COL12A1: variants seen among roughly 807,000 people sequenced by gnomAD.
COL12A1 encodes the protein collagen type XII alpha 1 chain, also known as collagen alpha-1(XII) chain.
In COL12A1, 114 loss-of-function variants were observed where a neutral mutation model predicts 349.7. The ratio of observed to expected loss-of-function variants is 0.33; its 90% CI spans 0.28 to 0.38. The LOEUF (loss-of-function observed/expected upper bound fraction) is 0.38. COL12A1 is among the 10% of genes least tolerant of loss of function. COL12A1 has a pLI of 1.00. For synonymous variants in COL12A1, 1,369 were observed against 1,329.0 expected, an observed-to-expected ratio of 1.03 and a Z score of -0.66; for missense variants, 3,284 against 3,756.9, an observed-to-expected ratio of 0.87 and a Z score of 3.29.
intron 52 of COL12A1, 92 bp downstream of exon 52, chr6:75,108,926 A>G (rs1428979746): frequency 2.2e-6 from 3 of 1,352,906 alleles, no homozygotes; most frequent in African/African-American, 1.5e-5. Context: ...ACTGAGAAAA[A>G]TAGAATAAAA....
intron 60 of COL12A1, among the ~76,000 whole-genome samples, 194 bp from the exon 61 acceptor site, chr6:75,091,719 T>TTCTCTC (rs371292617): frequency 6.6e-6 from 1 of 150,506 alleles, no homozygotes; most frequent in African/African-American, 2.4e-5. Context: ...CTCTCTCTCT[T>TTCTCTC]TCTCTCTCTC....
At position 75,121,420 on chromosome 6, in the gene COL12A1, T is replaced by A; in HGVS notation, c.6968A>T (p.Asp2323Val). 6.2e-7 allele frequency: 1 copy of A among 1,603,336 alleles called. No individual in the cohort carries two copies. The highest frequency in any genetic ancestry group is 8.5e-7 in the Non-Finnish European group (1 of 1,172,390). Residue 2323 changes from aspartate to valine, a missense_variant, in exon 44 of 66, where the codon GAT (aspartate) becomes GTT (valine). Asp to Val is a radical substitution (Grantham distance 152, BLOSUM62 -3). Around this residue, in one of 2 missense-constraint regions of COL12A1, gnomAD observed 683 missense variants for 932.1 expected, o/e 0.73. Coordinates refer to ENST00000322507, the MANE Select transcript of COL12A1 (RefSeq NM_004370.6). ...GGAGGCATCAGTCAAGAACACAATA[T>A]CTGCCTTGGCCCCTTTGCATACTGC... ...ARDVCKGAKA[D>V]IVFLTDASWS...
intron 60 of COL12A1, among the ~76,000 whole-genome samples, chr6:75,094,186 TTCTAAG>T (rs1407085117): frequency 6.6e-6 from 1 of 152,182 alleles, no homozygotes; most frequent in Non-Finnish European, 1.5e-5. Flanking sequence ...AAATGTCCAA[TTCTAAG>T]TCTCTCTGAA....
Position 75,130,958 on chromosome 6 carries a change from G to A in COL12A1, c.5961C>T (p.Arg1987=). ...GAATCAGCCGCTCCAGATGCACCAT[G>A]CGCGTGTTTCCTGGCACTACTATCT... The part of the protein sequence containing the change: ...SESIVVPGNT[R]MVHLERLIPD... The change falls in exon 36 of 66, where the codon CGC becomes CGT. Residue 1987 remains arginine (R), a synonymous_variant. Coordinates refer to ENST00000322507, the MANE Select transcript of COL12A1 (RefSeq NM_004370.6). 6.2e-7 allele frequency: 1 copy of A among 1,614,150 alleles called. No individual in the cohort carries two copies. Among genetic ancestry groups the A allele is most frequent in the East Asian group, 2.2e-5 (1 of 44,880 alleles).
At chr6:75,132,972 G>C (rs1459819934) in intron 34 of COL12A1, among the ~76,000 whole-genome samples, 4 of 152,194 alleles carry the variant, frequency 2.6e-5, no homozygotes, top group African/African-American at 9.6e-5. Flanking sequence ...CAATTGTAAA[G>C]TCCTTCACAA....
In COL12A1 at chr6:75,165,525, C is replaced by T. The variant is rs139332405; in HGVS notation, c.2965G>A (p.Gly989Arg). The change falls in exon 14 of 66, where the codon GGA becomes AGA. Residue 989 changes from glycine (G) to arginine (R), a missense_variant. Gly to Arg is a moderately radical substitution (Grantham distance 125). Coordinates refer to ENST00000322507, the MANE Select transcript of COL12A1 (RefSeq NM_004370.6). ...TACCTACATTCAGTTGTGGCATCTC[C>T]AGTCAAAGGTTCTCCTTCTCCACTG... ...YSSGEGEPLTGDATTELSQDS... is the reference protein window; with the variant it reads ...YSSGEGEPLTRDATTELSQDS... The T allele has an allele frequency of 1.9e-3, 3,071 of 1,613,676 alleles. 2 individuals carry two copies. Among genetic ancestry groups the T allele is most frequent in the Non-Finnish European group, 1.7e-3 (2,037 of 1,179,816 alleles).
intron 5 of COL12A1, among the ~76,000 whole-genome samples, chr6:75,190,081 A>G (rs1294897880): frequency 1.3e-5 from 2 of 151,976 alleles, no homozygotes; most frequent in Admixed American, 6.6e-5. Context: ...AGATAAATAG[A>G]TCTATAATCT....
chr6:75,089,111 G>A lies in COL12A1; in HGVS notation c.9005C>T (p.Pro3002Leu), dbSNP rs753345031. ...TAAAATACTAGCAAACCTACCTGGGGGGCCAGGCAGCCCCCGAGGTCCTGA... is the reference window on the plus strand; with the variant it reads ...TAAAATACTAGCAAACCTACCTGGGAGGCCAGGCAGCCCCCGAGGTCCTGA... ...GSSGPRGLPG[P>L]PGPQGESRTG... The change falls in exon 64 of 66, where the codon CCC becomes CTC. Residue 3002 changes from proline (P) to leucine (L), a missense_variant. This residue lies in a region of COL12A1 where 683 missense variants were observed against 932.1 expected (regional missense o/e 0.73). Coordinates refer to ENST00000322507, the MANE Select transcript of COL12A1 (RefSeq NM_004370.6). The A allele has an allele frequency of 1.9e-6, 3 of 1,610,842 alleles. No homozygotes were observed. Among genetic ancestry groups the A allele is most frequent in the African/African-American group, 1.3e-5 (1 of 74,600 alleles).
At chr6:75,120,242 G>A (rs1305867219) in intron 44 of COL12A1, among the ~76,000 whole-genome samples, 1 of 152,082 alleles carries the variant, frequency 6.6e-6, no homozygotes, top group Non-Finnish European at 1.5e-5. Context: ...ATTAAATTAA[G>A]AATATAACTA....
intron 28 of COL12A1, 36 bp downstream of exon 28, chr6:75,138,786 T>A (rs781435753): frequency 6.2e-7 from 1 of 1,611,868 alleles, no homozygotes; most frequent in Non-Finnish European, 8.5e-7. Flanking sequence ...AAATGGGACA[T>A]GAAAGACAGA....
intron 34 of COL12A1, 71 bp from the exon 35 acceptor site, chr6:75,132,153 C>T (rs1324271769): frequency 2.0e-6 from 3 of 1,532,702 alleles, no homozygotes; most frequent in African/African-American, 1.4e-5. Context: ...ATCACTTTTC[C>T]AGAACCTACA....
At chr6:75,190,863 C>T (rs1769890955) in intron 5 of COL12A1, among the ~76,000 whole-genome samples, 1 of 151,710 alleles carries the variant, frequency 6.6e-6, no homozygotes, top group African/African-American at 2.4e-5. Context: ...GGCATAATAC[C>T]TCAATTTAAA....
intron 48 of COL12A1, 34 bp from the exon 49 acceptor site, chr6:75,115,956 A>G (rs1769055655): frequency 1.2e-6 from 2 of 1,612,144 alleles, no homozygotes; most frequent in Non-Finnish European, 1.7e-6. Context: ...TAAACGGAGT[A>G]CATTTTAATT....
rs762312515 is a variant in COL12A1 at position 75,090,326 on chromosome 6, A to C, written c.8753-28T>G. 3.2e-6 allele frequency: 5 copies of C among 1,580,368 alleles called. No individual in the cohort carries two copies. The South Asian group carries it at 4.5e-5, about 14-fold the overall frequency. ...ACAAGCAGAAATAAGGCTTGTTAGT[A>C]AGAAACCCAATAAAGGACGGATGAG... On this transcript the variant is annotated intron_variant, in intron 62 of 65. Coordinates refer to ENST00000322507, the MANE Select transcript of COL12A1 (RefSeq NM_004370.6). The surrounding 1 kb of genome is among the most constrained non-coding windows in gnomAD (Gnocchi z 4.1).
At chr6:75,108,104 G>C (rs1318399760) in intron 52 of COL12A1, among the ~76,000 whole-genome samples, 1 of 152,074 alleles carries the variant, frequency 6.6e-6, no homozygotes, top group Non-Finnish European at 1.5e-5. Flanking sequence ...GATTGAGACA[G>C]GGTCTCAGTC....
rs1769249599 is a variant in COL12A1, at chr6:75,181,042, A to G, written c.2061T>C (p.Val687=). Residue 687 remains valine (V), a synonymous_variant, in exon 11 of 66, where the codon GTT becomes GTC. Coordinates refer to ENST00000322507, the MANE Select transcript of COL12A1 (RefSeq NM_004370.6). ...VVEPASSTSV[V]LSSLKPETLY... is the part of the protein sequence containing the mutation. Reference sequence around the variant, plus strand: ...AGGTCTCTGGCTTCAGGCTGCTGAGAACAACACTGGTGCTCGATGCTGGCT... The same window carrying G: ...AGGTCTCTGGCTTCAGGCTGCTGAGGACAACACTGGTGCTCGATGCTGGCT... 1 of 1,614,014 alleles carries G rather than the reference A, an allele frequency of 6.2e-7. No homozygotes were observed. Among genetic ancestry groups the G allele is most frequent in the Admixed American group, 1.7e-5 (1 of 59,990 alleles).
At chr6:75,188,929 G>A (rs1489289067) in intron 7 of COL12A1, among the ~76,000 whole-genome samples, 1 of 152,050 alleles carries the variant, frequency 6.6e-6, no homozygotes, top group African/African-American at 2.4e-5. Flanking sequence ...GATAATACAA[G>A]GAGGATCTTT....
chr6:75,191,368 T>A (rs1769922598), intron 5 of COL12A1, among the ~76,000 whole-genome samples: 1 of 151,992 alleles, frequency 6.6e-6, no homozygotes, highest in African/African-American at 2.4e-5. Flanking sequence ...TGCTATCAGT[T>A]TGTCTTTGAG....
rs529578360 is a variant in COL12A1 at position 75,135,716 on chromosome 6, G to GA, written c.5395-862dup. 3.5e-4 allele frequency among the ~76,000 whole-genome samples: 54 copies of GA among 152,240 alleles called. 2 individuals are homozygous for GA. In the South Asian group the frequency reaches 0.01, roughly 29 times the overall value. On this transcript the variant is annotated intron_variant, in intron 31 of 65. Coordinates refer to ENST00000322507, the MANE Select transcript of COL12A1 (RefSeq NM_004370.6). ...CCACTCAAGTAGTCTGAATTCCAGA[G>GA]AAAAACCCAGTGAATCACGGTCATC...
Sources: allele counts gnomAD v4.1 joint callset (sites outside exome capture counted in the v4.1 genomes callset), GRCh38; gene constraint gnomAD v4.1.1; regional missense constraint gnomAD v4.1.1; non-coding constraint Gnocchi (gnomAD v3.1); transcripts MANE v1.5; gene names NCBI Gene and HGNC (gene_info 2026-07-23, HGNC 2026-07-21).